The following TARDBP variants were observed in gnomAD, a reference collection of about 807,000 sequenced individuals.
TARDBP encodes the protein TAR DNA-binding protein 43.
TARDBP carries 4 observed loss-of-function variants against 38.3 expected under a neutral mutation model. That is an observed-to-expected ratio of 0.10 (90% CI 0.05 to 0.24). TARDBP has a LOEUF of 0.24. Among genes scored for constraint, TARDBP ranks in the 10% least tolerant of loss-of-function variants. TARDBP has a pLI of 1.00. For synonymous variants in TARDBP, 184 were observed against 183.8 expected, an observed-to-expected ratio of 1.00 and a Z score of -0.01; for missense variants, 202 against 521.9, an observed-to-expected ratio of 0.39 and a Z score of 5.97.
At chr1:11,026,040 A>AT (rs3215616), downstream of TARDBP, 99,116 of 154,788 alleles carry the variant, frequency 0.64, 36,117 homozygotes, top group Non-Finnish European at 0.81. Context: ...CTTATTTCTA[A>AT]TGCCACTTTT....
intron 2 of TARDBP, 114 bp downstream of exon 2, chr1:11,014,079 C>A: frequency 9.3e-7 from 1 of 1,080,426 alleles, no homozygotes; most frequent in Non-Finnish European, 1.4e-6. Context: ...TAAGTATTTC[C>A]TTGAACTTCA....
In TARDBP at chr1:11,018,722, A is replaced by T. The variant is rs1643578679; in HGVS notation, c.403-11A>T. ...TGCACTTTTAGAGTAAACTTGTATC[A>T]TCCTTTCTAGGTCAAGAAAGATCTT... is the stretch of plus-strand genomic sequence containing the variant. On this transcript the variant is annotated splice_polypyrimidine_tract_variant and intron_variant, in intron 3 of 5. Transcript: ENST00000240185. 1 of 1,614,062 alleles carries T rather than the reference A, an allele frequency of 6.2e-7. No individual in the cohort carries two copies. The highest frequency in any genetic ancestry group is 8.5e-7 in the Non-Finnish European group (1 of 1,180,036).
intron 3 of TARDBP, among the ~76,000 whole-genome samples, chr1:11,018,075 G>T (rs907805735): frequency 1.3e-5 from 2 of 151,332 alleles, no homozygotes; most frequent in African/African-American, 4.9e-5. Flanking sequence ...GTAGAGATGG[G>T]GTTTCACCGT....
chr1:11,030,259 C>G, downstream of TARDBP: 1 of 1,609,166 alleles, frequency 6.2e-7, no homozygotes, highest in Non-Finnish European at 8.5e-7. Context: ...ACCTGCAAAT[C>G]ATTGGAAAAG....
At chr1:11,020,283 C>G in intron 4 of TARDBP, 146 bp from the exon 5 acceptor site, 1 of 901,268 alleles carries the variant, frequency 1.1e-6, no homozygotes, top group South Asian at 1.6e-5. Flanking sequence ...AAAAGAAATG[C>G]TGATGGAAAA....
chr1:11,013,503 T>C (rs1450865551), intron 1 of TARDBP, among the ~76,000 whole-genome samples: 1 of 152,226 alleles, frequency 6.6e-6, no homozygotes, highest in Non-Finnish European at 1.5e-5. Context: ...GGAAAGTTTT[T>C]TGAATGAATG....
chr1:11,023,534 T>A lies in TARDBP; in HGVS notation c.*880T>A. ...GAGACTTGGTGGTGCATAATGGATATTTTTTAACTTGGCGAGATGTGTCTC... is the reference window on the plus strand; with the variant it reads ...GAGACTTGGTGGTGCATAATGGATAATTTTTAACTTGGCGAGATGTGTCTC... On this transcript the variant is annotated 3_prime_UTR_variant, in exon 6 of 6. Transcript: ENST00000240185. 6.7e-6 allele frequency: 3 copies of A among 449,326 alleles called. No individual in the cohort carries two copies. The highest frequency in any genetic ancestry group is 7.9e-6 in the Non-Finnish European group (2 of 253,732). The allele number at this position is 449,326 out of a possible 1,614,324, so 27.8% of individuals were successfully genotyped here.
chr1:11,030,270 C>T (rs374436693), downstream of TARDBP: 18 of 1,583,700 alleles, frequency 1.1e-5, no homozygotes, highest in African/African-American at 2.3e-4. Flanking sequence ...ATTGGAAAAG[C>T]AAAAATGTTT....
chr1:11,022,884 G>A lies in TARDBP; in HGVS notation c.*230G>A. ...GTTGAAATATTGAGTGGTTGAAAGT[G>A]AACTGCTGTTTGCCTGATTGGTAAA... On this transcript the variant is annotated 3_prime_UTR_variant, in exon 6 of 6. Coordinates refer to ENST00000240185, the MANE Select transcript of TARDBP (RefSeq NM_007375.4). This position sits in a 1 kb window ranked among gnomAD's most constrained non-coding sequence, Gnocchi z 4.5. The A allele has an allele frequency of 1.5e-6, 2 of 1,365,894 alleles. No individual in the cohort carries two copies. The highest frequency in any genetic ancestry group is 4.0e-5 in the South Asian group (2 of 49,884). 84.6% of individuals were successfully genotyped at this position (1,365,894 alleles called of 1,614,324 possible).
At chr1:11,027,789 G>T, downstream of TARDBP, 1 of 752,118 alleles carries the variant, frequency 1.3e-6, no homozygotes. Flanking sequence ...ACCTATACAG[G>T]CAAGTGAGGC....
In TARDBP at chr1:11,025,363, T is replaced by C. The variant is rs1643714317; in HGVS notation, c.*2709T>C. 6.6e-6 allele frequency: 1 copy of C among 152,234 alleles called. No individual in the cohort carries two copies. 9.4% of individuals were successfully genotyped at this position (152,234 alleles called of 1,614,324 possible). On this transcript the variant is annotated 3_prime_UTR_variant, in exon 6 of 6. Transcript: ENST00000240185. ...GGGTATTTATTTTACCCTAAGAAGA[T>C]TTTGAAGTTTAAAAGTACTTAAACT...
chr1:11,019,340 C>T (rs1328121376), intron 4 of TARDBP, among the ~76,000 whole-genome samples: 3 of 152,202 alleles, frequency 2.0e-5, no homozygotes, highest in African/African-American at 7.2e-5. Context: ...CAAAGTTGAT[C>T]AGTCAGCAGC....
chr1:11,026,658 A>G, downstream of TARDBP: 2 of 376,176 alleles, frequency 5.3e-6, no homozygotes, highest in Non-Finnish European at 9.4e-6. Flanking sequence ...GGGTGGGCAA[A>G]GATGACTGTC....
rs1198101448 is a variant in TARDBP at position 11,022,312 on chromosome 1, C to T, written c.903C>T (p.Asn301=). 1 of 1,613,876 alleles carries T rather than the reference C, an allele frequency of 6.2e-7. No homozygotes were observed. The highest frequency in any genetic ancestry group is 1.3e-5 in the African/African-American group (1 of 75,002). Residue 301 remains asparagine, a synonymous_variant, in exon 6 of 6, where the codon AAC becomes AAT. Coordinates refer to ENST00000240185, the MANE Select transcript of TARDBP (RefSeq NM_007375.4). This position sits in a 1 kb window ranked among gnomAD's most constrained non-coding sequence, Gnocchi z 4.5. ...NSRGGGAGLG[N]NQGSNMGGGM... Reference sequence around the variant, plus strand: ...GAGGGGGTGGAGCTGGTTTGGGAAACAATCAAGGTAGTAATATGGGTGGTG... The same window carrying T: ...GAGGGGGTGGAGCTGGTTTGGGAAATAATCAAGGTAGTAATATGGGTGGTG...
chr1:11,028,697 G>GTTTTTTTTTTTTTTTTTTTTT (rs1208974169), downstream of TARDBP, among the ~76,000 whole-genome samples: 1 of 36,178 alleles, frequency 2.8e-5, no homozygotes, highest in Non-Finnish European at 5.3e-5. Context: ...ATCTTTCTGG[G>GTTTTTTTTTTTTTTTTTTTTT]TTTTTTTTCT....
Position 11,024,435 on chromosome 1 carries a change from C to G in TARDBP, c.*1781C>G, listed in dbSNP as rs1228319711. 6.6e-6 allele frequency: 1 copy of G among 152,432 alleles called. No individual in the cohort carries two copies. The highest frequency in any genetic ancestry group is 2.4e-5 in the African/African-American group (1 of 41,354). 9.4% of individuals were successfully genotyped at this position (152,432 alleles called of 1,614,324 possible). ...AATCTCCATTGGGAAGTCATGCCTT[C>G]TAAAAAGATTCTTATTTGGGGGAGT... On this transcript the variant is annotated 3_prime_UTR_variant, in exon 6 of 6. Transcript: ENST00000240185.
downstream of TARDBP, chr1:11,026,667 T>C (rs898102184): frequency 5.2e-6 from 2 of 382,604 alleles, no homozygotes; most frequent in African/African-American, 4.2e-5. Flanking sequence ...AAGATGACTG[T>C]CACTCTCGTG....
chr1:11,027,423 TGAG>T, downstream of TARDBP: 1 of 1,614,202 alleles, frequency 6.2e-7, no homozygotes, highest in Non-Finnish European at 8.5e-7. Context: ...TTGTGTATAA[TGAG>T]GTGATAGTCT....
downstream of TARDBP, among the ~76,000 whole-genome samples, chr1:11,028,154 G>A (rs563404573): frequency 4.6e-5 from 7 of 152,124 alleles, no homozygotes; most frequent in Admixed American, 3.9e-4. Context: ...CCTGGGAGGC[G>A]GAGGTTGCAG....
Sources: gnomAD v4.1 joint callset for allele counts (sites outside exome capture counted in the v4.1 genomes callset) on GRCh38, gnomAD v4.1.1 for gene constraint, Gnocchi (gnomAD v3.1) non-coding constraint, MANE v1.5 for transcripts, NCBI Gene and HGNC (gene_info 2026-07-23, HGNC 2026-07-21) for gene names.